The following OCA2 variants were observed in gnomAD, a reference collection of about 807,000 sequenced individuals.
The protein encoded by OCA2 is OCA2 melanosomal transmembrane protein, also known as P protein.
In OCA2, 77 loss-of-function variants were observed where a neutral mutation model predicts 100.2. That is an observed-to-expected ratio of 0.77 (90% CI 0.64 to 0.93). The LOEUF is 0.93. Among genes scored for constraint, OCA2 ranks in the 40% least tolerant of loss-of-function variants. The pLI is 0.00. For missense variants in OCA2, 1,062 were observed against 1,089.1 expected, an observed-to-expected ratio of 0.98 and a Z score of 0.35; for synonymous variants, 432 against 439.2, an observed-to-expected ratio of 0.98 and a Z score of 0.21.
At chr15:28,093,251 G>A (rs1440288639) in intron 1 of OCA2, among the ~76,000 whole-genome samples, 5 of 151,872 alleles carry the variant, frequency 3.3e-5, no homozygotes, top group African/African-American at 1.2e-4. Context: ...GTGTAACCTC[G>A]CCTCTACTAA....
chr15:27,912,745 A>C (rs1170308009), intron 19 of OCA2, among the ~76,000 whole-genome samples: 1 of 152,240 alleles, frequency 6.6e-6, no homozygotes, highest in Admixed American at 6.5e-5. Context: ...AAAATCAGTA[A>C]GAAAATGTTT....
chr15:28,081,485 A>G (rs1303425168), intron 2 of OCA2, among the ~76,000 whole-genome samples, 163 bp downstream of exon 2: 1 of 152,186 alleles, frequency 6.6e-6, no homozygotes, highest in African/African-American at 2.4e-5. Context: ...TATTTTACAA[A>G]TATCAGTCAT....
chr15:28,016,081 C>T (rs777587264), intron 8 of OCA2, 23 bp downstream of exon 8: 3 of 1,600,270 alleles, frequency 1.9e-6, no homozygotes, highest in African/African-American at 2.7e-5. Flanking sequence ...CCTGCCCCAA[C>T]ACCTCACTCA....
chr15:27,801,003 T>G (rs1304303049), intron 23 of OCA2, among the ~76,000 whole-genome samples: 1 of 152,022 alleles, frequency 6.6e-6, no homozygotes, highest in Non-Finnish European at 1.5e-5. Flanking sequence ...ATGCAAAACC[T>G]TCCCACAAGG....
intron 15 of OCA2, among the ~76,000 whole-genome samples, chr15:27,964,942 C>T (rs976891386): frequency 1.3e-5 from 2 of 152,180 alleles, no homozygotes; most frequent in East Asian, 1.9e-4. Context: ...TACTCAGGAA[C>T]GGTGAGGAAT....
chr15:28,011,301 CA>C (rs921838690), intron 9 of OCA2, among the ~76,000 whole-genome samples: 4 of 151,786 alleles, frequency 2.6e-5, no homozygotes, highest in Admixed American at 6.6e-5. Flanking sequence ...CCTGATTCTA[CA>C]AAAAAAATTT....
At chr15:27,798,582 C>T (rs1484510626) in intron 23 of OCA2, among the ~76,000 whole-genome samples, 1 of 151,958 alleles carries the variant, frequency 6.6e-6, no homozygotes, top group Non-Finnish European at 1.5e-5. Context: ...CGCTCTGACC[C>T]TGATGATCAG....
chr15:27,951,420 T>C (rs999604019), intron 18 of OCA2, among the ~76,000 whole-genome samples: 4 of 152,260 alleles, frequency 2.6e-5, no homozygotes, highest in African/African-American at 9.6e-5. Context: ...ATGGCAGCGC[T>C]GGCCTTGCCC....
chr15:27,800,829 G>A (rs2033567752), intron 23 of OCA2, among the ~76,000 whole-genome samples: 1 of 151,800 alleles, frequency 6.6e-6, no homozygotes, highest in Admixed American at 6.6e-5. Context: ...TTAGCCAGGT[G>A]TGGTGGTACA....
chr15:28,012,032 A>G (rs975052611), intron 9 of OCA2, among the ~76,000 whole-genome samples: 22 of 152,132 alleles, frequency 1.4e-4, no homozygotes, highest in Non-Finnish European at 2.9e-5. Context: ...ATATTTGCAA[A>G]CCACATATCC....
intron 23 of OCA2, among the ~76,000 whole-genome samples, chr15:27,805,859 G>T (rs2033822546): frequency 6.6e-6 from 1 of 152,162 alleles, no homozygotes; most frequent in South Asian, 2.1e-4. Context: ...ACACGCCCGG[G>T]GCGTGGGATT....
At chr15:27,844,193 G>A (rs28423991) in intron 23 of OCA2, among the ~76,000 whole-genome samples, 4,297 of 152,158 alleles carry the variant, frequency 0.028, 65 homozygotes, top group Non-Finnish European at 0.032. Flanking sequence ...GCAGGCATCC[G>A]CTGGACGCCC....
chr15:27,918,610 C>A (rs551600408), intron 19 of OCA2, among the ~76,000 whole-genome samples: 89 of 152,230 alleles, frequency 5.8e-4, no homozygotes, highest in Admixed American at 1.9e-3. Flanking sequence ...AATGAAAATT[C>A]TTTGTTTTGT....
At chr15:27,993,099 G>A (rs146098895) in intron 9 of OCA2, among the ~76,000 whole-genome samples, 1,757 of 152,260 alleles carry the variant, frequency 0.012, 28 homozygotes, top group African/African-American at 0.04. Flanking sequence ...ACTCCAGCCT[G>A]GGCAACAGAG....
intron 23 of OCA2, among the ~76,000 whole-genome samples, chr15:27,768,017 C>T (rs2031407139): frequency 6.6e-6 from 1 of 152,178 alleles, no homozygotes; most frequent in Admixed American, 6.5e-5. Flanking sequence ...GTGTACTGGA[C>T]AGAGGGCTCC....
At chr15:27,775,946 G>A (rs1025356747) in intron 23 of OCA2, among the ~76,000 whole-genome samples, 3 of 152,204 alleles carry the variant, frequency 2.0e-5, no homozygotes, top group South Asian at 2.1e-4. Context: ...TGGATTTTGC[G>A]GGGACATGGT....
chr15:28,093,650 G>A (rs1595938817), intron 1 of OCA2, among the ~76,000 whole-genome samples: 1 of 152,038 alleles, frequency 6.6e-6, no homozygotes, highest in East Asian at 1.9e-4. Context: ...AACCCTACAC[G>A]CAAATGGTCA....
chr15:27,814,740 T>G (rs1379535315), intron 23 of OCA2, among the ~76,000 whole-genome samples: 1 of 152,008 alleles, frequency 6.6e-6, no homozygotes, highest in Non-Finnish European at 1.5e-5. Flanking sequence ...TAGCTGGGTG[T>G]GGTGATGGCC....
intron 6 of OCA2, among the ~76,000 whole-genome samples, chr15:28,021,029 G>A (rs1387062293): frequency 6.6e-6 from 1 of 152,200 alleles, no homozygotes; most frequent in Non-Finnish European, 1.5e-5. Context: ...AAGCAAGCCA[G>A]TTTCCTAAAA....
Sources: allele counts gnomAD v4.1 joint callset (sites outside exome capture counted in the v4.1 genomes callset), GRCh38; gene constraint gnomAD v4.1.1; transcripts MANE v1.5; gene names NCBI Gene and HGNC (gene_info 2026-07-23, HGNC 2026-07-21).